FERMT2: variants seen among roughly 807,000 people sequenced by gnomAD.
The protein encoded by FERMT2 is FERM domain containing kindlin 2.
In FERMT2, 15 loss-of-function variants were observed where a neutral mutation model predicts 82.7. The observed-to-expected ratio is 0.18, with a 90% CI of 0.12 to 0.28. The LOEUF (loss-of-function observed/expected upper bound fraction) is 0.28. FERMT2 is among the 10% of genes least tolerant of loss of function. The pLI is 1.00. For synonymous variants in FERMT2, 274 were observed against 271.5 expected (o/e 1.01, Z -0.09); for missense variants, 645 against 809.4 (o/e 0.80, Z 2.46).
intron 2 of FERMT2, among the ~76,000 whole-genome samples, chr14:52,924,693 CT>C (rs965897612): frequency 2.0e-5 from 3 of 152,074 alleles, no homozygotes; most frequent in Admixed American, 1.3e-4. Flanking sequence ...ATACAGAAAA[CT>C]TTTCCTGGAT....
chr14:52,868,891 T>C lies in FERMT2; in HGVS notation c.1273+3908A>G, dbSNP rs182362280. Among the ~76,000 whole-genome samples, 80 of 152,348 alleles carry C rather than the reference T, an allele frequency of 5.3e-4. 2 individuals carry two copies. The East Asian group carries it at 0.014, about 27-fold the overall frequency. ...CATTTGATTCTTGGTCAAGGTGTTATCAGTGCGGTGCCTGTGATGAGTGCA... is the reference window on the plus strand; with the variant it reads ...CATTTGATTCTTGGTCAAGGTGTTACCAGTGCGGTGCCTGTGATGAGTGCA... On this transcript the variant is annotated intron_variant, in intron 10 of 14. Coordinates refer to ENST00000341590, the MANE Select transcript of FERMT2 (RefSeq NM_006832.3).
chr14:52,860,619 G>T, intron 12 of FERMT2, 154 bp from the exon 13 acceptor site: 1 of 641,446 alleles, frequency 1.6e-6, no homozygotes, highest in South Asian at 2.1e-5. Context: ...TTTGGACACT[G>T]TAATAATGTA....
intron 2 of FERMT2, among the ~76,000 whole-genome samples, chr14:52,941,663 ATTAAT>A (rs1358736560): frequency 2.0e-5 from 3 of 152,356 alleles, no homozygotes; most frequent in African/African-American, 7.2e-5. Context: ...TGGCATAAGC[ATTAAT>A]TTGTCAGTAA....
chr14:52,866,095 T>C (rs1389472442), intron 10 of FERMT2, among the ~76,000 whole-genome samples: 1 of 152,142 alleles, frequency 6.6e-6, no homozygotes, highest in Non-Finnish European at 1.5e-5. Context: ...GGATTTACAG[T>C]ACACAATTCC....
At position 52,903,302 on chromosome 14, in the gene FERMT2, C is replaced by T. The variant is rs895556364; in HGVS notation, c.392-9875G>A. On this transcript the variant is annotated intron_variant, in intron 3 of 14. Transcript: ENST00000341590. ...CCTGTAATCTCAGCACTTTGGGAGACGAAGGTGGGAGGGCTGCTTGAGGTC... is the reference window on the plus strand; with the variant it reads ...CCTGTAATCTCAGCACTTTGGGAGATGAAGGTGGGAGGGCTGCTTGAGGTC... Among the ~76,000 whole-genome samples, 8 of 151,924 alleles carry T rather than the reference C, an allele frequency of 5.3e-5. No homozygotes were observed. In the South Asian group the frequency reaches 8.3e-4, roughly 16 times the overall value.
intron 4 of FERMT2, among the ~76,000 whole-genome samples, chr14:52,886,672 T>C (rs923595882): frequency 1.3e-5 from 2 of 152,142 alleles, no homozygotes; most frequent in Admixed American, 6.5e-5. Flanking sequence ...ATAAAATATA[T>C]ATTAGGATCT....
At chr14:52,946,037 C>T (rs1341604295) in intron 2 of FERMT2, among the ~76,000 whole-genome samples, 6 of 151,884 alleles carry the variant, frequency 4.0e-5, no homozygotes, top group African/African-American at 9.7e-5. Flanking sequence ...TCACCATACC[C>T]GGCTAATTTT....
chr14:52,865,902 T>A (rs1484601194), intron 10 of FERMT2, among the ~76,000 whole-genome samples: 1 of 152,194 alleles, frequency 6.6e-6, no homozygotes, highest in Non-Finnish European at 1.5e-5. Context: ...TTTTGTAGAT[T>A]CCCCCCTGCC....
At chr14:52,925,912 G>C (rs1274556525) in intron 2 of FERMT2, among the ~76,000 whole-genome samples, 2 of 152,232 alleles carry the variant, frequency 1.3e-5, no homozygotes, top group South Asian at 4.2e-4. Context: ...CCAAAGTGCT[G>C]GGATTACAGG....
At chr14:52,870,336 A>C (rs1301352693) in intron 10 of FERMT2, among the ~76,000 whole-genome samples, 1 of 148,172 alleles carries the variant, frequency 6.7e-6, no homozygotes, top group Non-Finnish European at 1.5e-5. Context: ...CGCAAGCTCC[A>C]CCTCCCAGGT....
In FERMT2 at chr14:52,859,270, T is replaced by C. The variant is rs1884752694; in HGVS notation, c.1869+303A>G. 3 of 242,496 alleles carry C rather than the reference T, an allele frequency of 1.2e-5. No individual in the cohort carries two copies. The South Asian group carries it at 3.3e-4, about 26-fold the overall frequency. 15.0% of individuals were successfully genotyped at this position (242,496 alleles called of 1,614,324 possible). A position where few individuals can be genotyped will look rare whatever the true frequency, so the allele number is the denominator to read the frequency against. ...TACTAATGTAAGCCTCTAAGTATCA[T>C]GTCTGGCACAGGGTAGGCATTCAAC... On this transcript the variant is annotated intron_variant, in intron 14 of 14. Transcript: ENST00000341590.
chr14:52,923,875 A>G (rs992124942), intron 2 of FERMT2, among the ~76,000 whole-genome samples: 1 of 152,198 alleles, frequency 6.6e-6, no homozygotes, highest in African/African-American at 2.4e-5. Flanking sequence ...GCAAAAGATA[A>G]AAACAGAAAA....
chr14:52,882,971 T>C (rs879593718), intron 4 of FERMT2, among the ~76,000 whole-genome samples: 1 of 151,856 alleles, frequency 6.6e-6, no homozygotes, highest in Non-Finnish European at 1.5e-5. Context: ...GCTGAGGCGG[T>C]TGAATCACTT....
intron 3 of FERMT2, among the ~76,000 whole-genome samples, chr14:52,894,711 A>G (rs1887150710): frequency 1.3e-5 from 2 of 152,240 alleles, no homozygotes; most frequent in South Asian, 2.1e-4. Flanking sequence ...ATTCATATAT[A>G]TATGTTTTAA....
chr14:52,913,808 C>G (rs1239451757), intron 3 of FERMT2, among the ~76,000 whole-genome samples: 1 of 151,980 alleles, frequency 6.6e-6, no homozygotes, highest in Admixed American at 6.6e-5. Flanking sequence ...TAACTTCATT[C>G]TATACAGCAG....
rs141047286 is a variant in FERMT2 at position 52,903,148 on chromosome 14, T to C, written c.392-9721A>G. Reference sequence around the variant, plus strand: ...AACCCTAACCAGGCAGGGCACATTGTTACAAAATTTCAAAATGGCAGGGAA... The same window carrying C: ...AACCCTAACCAGGCAGGGCACATTGCTACAAAATTTCAAAATGGCAGGGAA... On this transcript the variant is annotated intron_variant, in intron 3 of 14. Coordinates refer to ENST00000341590, the MANE Select transcript of FERMT2 (RefSeq NM_006832.3). Among the ~76,000 whole-genome samples, 22 of 151,966 alleles carry C rather than the reference T, an allele frequency of 1.4e-4. No individual in the cohort carries two copies. The East Asian group carries it at 4.3e-3, about 29-fold the overall frequency.
At chr14:52,949,993 C>T (rs1278231123) in intron 2 of FERMT2, among the ~76,000 whole-genome samples, 2 of 152,154 alleles carry the variant, frequency 1.3e-5, no homozygotes, top group Non-Finnish European at 2.9e-5. Context: ...ATGGATTTTG[C>T]ATCATTCTCT....
At chr14:52,940,319 T>A (rs970983677) in intron 2 of FERMT2, among the ~76,000 whole-genome samples, 1 of 152,246 alleles carries the variant, frequency 6.6e-6, no homozygotes, top group Non-Finnish European at 1.5e-5. Context: ...ACTGCTTATC[T>A]CTTTTTCTCA....
At chr14:52,875,801 G>A (rs1885918151) in intron 7 of FERMT2, among the ~76,000 whole-genome samples, 1 of 152,056 alleles carries the variant, frequency 6.6e-6, no homozygotes, top group Non-Finnish European at 1.5e-5. Flanking sequence ...CTATTACCCA[G>A]GAGAAAGTCA....
Sources: allele counts gnomAD v4.1 joint callset (sites outside exome capture counted in the v4.1 genomes callset), GRCh38; gene constraint gnomAD v4.1.1; transcripts MANE v1.5; gene names NCBI Gene and HGNC (gene_info 2026-07-23, HGNC 2026-07-21).